Variants in DIAPH3 observed in about 807,000 individuals in gnomAD.
The protein encoded by DIAPH3 is protein diaphanous homolog 3.
DIAPH3 carries 117 observed loss-of-function variants against 144.3 expected under a neutral mutation model. That is an observed-to-expected ratio of 0.81 (90% CI 0.70 to 0.95). DIAPH3 has a LOEUF of 0.95. DIAPH3 is among the 40% of genes least tolerant of loss of function. The pLI is 0.00. For synonymous variants in DIAPH3, 519 were observed against 488.9 expected, an observed-to-expected ratio of 1.06 and a Z score of -0.81; for missense variants, 1,421 against 1,412.7, an observed-to-expected ratio of 1.01 and a Z score of -0.09.
At chr13:59,948,050 C>T (rs114599416) in intron 17 of DIAPH3, among the ~76,000 whole-genome samples, 16 of 152,276 alleles carry the variant, frequency 1.1e-4, no homozygotes, top group African/African-American at 3.4e-4. Flanking sequence ...ACTCAACAGA[C>T]ACAGTCTCTT....
In DIAPH3 at chr13:60,012,990, A is replaced by C. The variant is rs551373381; in HGVS notation, c.772-2321T>G. The C allele has an allele frequency of 7.1e-6, 7 of 985,028 alleles. No individual in the cohort carries two copies. The African/African-American group carries it at 1.2e-4, about 17-fold the overall frequency. 61.0% of individuals were successfully genotyped at this position (985,028 alleles called of 1,614,324 possible). ...TGTATAAATTACTCTCAATTATTTA[A>C]AAAACATAGCAAAACAAAACAAAAA... On this transcript the variant is annotated intron_variant, in intron 7 of 27. Coordinates refer to ENST00000400324, the MANE Select transcript of DIAPH3 (RefSeq NM_001042517.2).
intron 5 of DIAPH3, among the ~76,000 whole-genome samples, chr13:60,021,272 T>G (rs1019079358): frequency 1.3e-5 from 2 of 152,170 alleles, no homozygotes; most frequent in Admixed American, 1.3e-4. Context: ...TCCAATCTAA[T>G]CATGTAATTC....
chr13:60,021,481 G>A (rs796340084), intron 5 of DIAPH3, among the ~76,000 whole-genome samples: 3 of 151,912 alleles, frequency 2.0e-5, no homozygotes, highest in African/African-American at 7.3e-5. Flanking sequence ...AAAAATAGCC[G>A]GGTGTGGTGG....
At chr13:60,006,604 A>G (rs2140924526) in intron 9 of DIAPH3, among the ~76,000 whole-genome samples, 1 of 152,302 alleles carries the variant, frequency 6.6e-6, no homozygotes, top group Middle Eastern at 3.4e-3. Flanking sequence ...CTGACAAGGA[A>G]AGACATAAAA....
intron 27 of DIAPH3, among the ~76,000 whole-genome samples, chr13:59,689,402 T>C (rs180788838): frequency 6.6e-6 from 1 of 152,018 alleles, no homozygotes; most frequent in African/African-American, 2.4e-5. Context: ...CGATGAAGGA[T>C]TGAAAATGGA....
chr13:59,938,962 ATTC>A (rs1158251791), intron 17 of DIAPH3, among the ~76,000 whole-genome samples: 1 of 152,180 alleles, frequency 6.6e-6, no homozygotes, highest in Non-Finnish European at 1.5e-5. Flanking sequence ...TTTGTTATGT[ATTC>A]TTAACCACAA....
At chr13:60,126,092 A>G (rs1257142938) in intron 2 of DIAPH3, among the ~76,000 whole-genome samples, 1 of 152,212 alleles carries the variant, frequency 6.6e-6, no homozygotes, top group Non-Finnish European at 1.5e-5. Context: ...ACAGAGATAT[A>G]CATGGTTAGT....
At chr13:59,886,013 T>C (rs1021596344) in intron 20 of DIAPH3, among the ~76,000 whole-genome samples, 2 of 152,164 alleles carry the variant, frequency 1.3e-5, no homozygotes, top group African/African-American at 4.8e-5. Flanking sequence ...TTTAATACTT[T>C]CGTATGAGTG....
At chr13:59,673,804 T>A (rs962211579) in intron 27 of DIAPH3, among the ~76,000 whole-genome samples, 2 of 152,210 alleles carry the variant, frequency 1.3e-5, no homozygotes, top group African/African-American at 4.8e-5. Context: ...TTCTGGTTGG[T>A]AATCCTCTGT....
intron 17 of DIAPH3, among the ~76,000 whole-genome samples, chr13:59,963,121 G>C (rs1459465004): frequency 6.6e-6 from 1 of 152,106 alleles, no homozygotes; most frequent in Non-Finnish European, 1.5e-5. Flanking sequence ...AAGATACAGA[G>C]ATGCACTTAG....
At chr13:60,126,125 C>T (rs1338440330) in intron 2 of DIAPH3, among the ~76,000 whole-genome samples, 1 of 151,840 alleles carries the variant, frequency 6.6e-6, no homozygotes, top group African/African-American at 2.4e-5. Context: ...AGGTGATTAC[C>T]CAAGTAAAAC....
At chr13:59,949,578 A>G (rs1330219499) in intron 17 of DIAPH3, among the ~76,000 whole-genome samples, 1 of 152,222 alleles carries the variant, frequency 6.6e-6, no homozygotes, top group Non-Finnish European at 1.5e-5. Flanking sequence ...AATGAAGTAT[A>G]AGAGGAACAC....
intron 17 of DIAPH3, among the ~76,000 whole-genome samples, chr13:59,948,903 A>G (rs2048950590): frequency 6.9e-6 from 1 of 145,334 alleles, no homozygotes; most frequent in African/African-American, 2.5e-5. Flanking sequence ...GAAGGAAGGA[A>G]GGAAACTTCA....
intron 24 of DIAPH3, 31 bp downstream of exon 24, chr13:59,833,076 A>T: frequency 1.3e-6 from 2 of 1,564,146 alleles, no homozygotes; most frequent in Non-Finnish European, 1.7e-6. Context: ...TAAATAAAAA[A>T]ACTTTTTAAA....
chr13:59,989,670 T>C (rs957980650), intron 12 of DIAPH3, among the ~76,000 whole-genome samples: 1 of 151,896 alleles, frequency 6.6e-6, no homozygotes, highest in Non-Finnish European at 1.5e-5. Flanking sequence ...ATTTAATCTT[T>C]CTCCAAGACT....
chr13:59,984,109 T>C (rs2051217695), intron 12 of DIAPH3, among the ~76,000 whole-genome samples: 1 of 151,700 alleles, frequency 6.6e-6, no homozygotes, highest in Non-Finnish European at 1.5e-5. Flanking sequence ...TTTTAGGAAA[T>C]ACAGTATCCC....
intron 15 of DIAPH3, among the ~76,000 whole-genome samples, chr13:59,972,596 C>T (rs1654826794): frequency 6.6e-6 from 1 of 152,144 alleles, no homozygotes. Flanking sequence ...AAAAGCATGC[C>T]TTATCAAAAC....
At chr13:59,809,534 C>T (rs2040367376) in intron 25 of DIAPH3, among the ~76,000 whole-genome samples, 1 of 151,148 alleles carries the variant, frequency 6.6e-6, no homozygotes, top group African/African-American at 2.4e-5. Flanking sequence ...TGTTCAAACA[C>T]CAGAATCTTC....
chr13:59,982,384 C>G (rs2051073740), intron 13 of DIAPH3, among the ~76,000 whole-genome samples: 1 of 151,276 alleles, frequency 6.6e-6, no homozygotes, highest in Non-Finnish European at 1.5e-5. Flanking sequence ...ATATTTACAG[C>G]ACCATTTTCT....
Sources: gnomAD v4.1 joint callset for allele counts (sites outside exome capture counted in the v4.1 genomes callset) on GRCh38, gnomAD v4.1.1 for gene constraint, MANE v1.5 for transcripts, NCBI Gene and HGNC (gene_info 2026-07-23, HGNC 2026-07-21) for gene names.